Variants in SMYD3 observed in about 807,000 individuals in gnomAD.
The protein encoded by SMYD3 is histone-lysine N-methyltransferase SMYD3.
In SMYD3, 36 loss-of-function variants were observed where a neutral mutation model predicts 57.7. The observed-to-expected ratio is 0.62, with a 90% CI of 0.48 to 0.82. The LOEUF is 0.82. Among genes scored for constraint, SMYD3 ranks in the 40% least tolerant of loss-of-function variants. SMYD3 has a pLI of 0.00. For synonymous variants in SMYD3, 211 were observed against 195.0 expected, an observed-to-expected ratio of 1.08 and a Z score of -0.68; for missense variants, 515 against 538.8, an observed-to-expected ratio of 0.96 and a Z score of 0.44.
intron 5 of SMYD3, among the ~76,000 whole-genome samples, chr1:246,194,383 C>A (rs2062796227): frequency 6.6e-6 from 1 of 152,092 alleles, no homozygotes; most frequent in Non-Finnish European, 1.5e-5. Context: ...GTTCTCCTGC[C>A]TCAGCCTCCC....
At chr1:245,824,316 C>T (rs1271795521) in intron 10 of SMYD3, among the ~76,000 whole-genome samples, 3 of 152,234 alleles carry the variant, frequency 2.0e-5, no homozygotes, top group Non-Finnish European at 4.4e-5. Flanking sequence ...ACTGGGCACC[C>T]ACTAAAGGTT....
At chr1:246,023,291 T>C (rs1027242917) in intron 5 of SMYD3, among the ~76,000 whole-genome samples, 1 of 152,244 alleles carries the variant, frequency 6.6e-6, no homozygotes, top group Non-Finnish European at 1.5e-5. Context: ...TTGGAATGTC[T>C]GTCTGTGCAT....
At chr1:246,483,112 T>C (rs1434869441) in intron 1 of SMYD3, among the ~76,000 whole-genome samples, 2 of 152,224 alleles carry the variant, frequency 1.3e-5, no homozygotes, top group East Asian at 1.9e-4. Context: ...AATTTTCTAC[T>C]GTACCCAGAC....
intron 1 of SMYD3, among the ~76,000 whole-genome samples, chr1:246,385,055 T>C (rs1240840437): frequency 1.3e-5 from 2 of 152,204 alleles, no homozygotes; most frequent in Non-Finnish European, 1.5e-5. Context: ...GGATAAAGCT[T>C]AGGTATTTTC....
chr1:245,948,983 G>T lies in SMYD3; in HGVS notation c.532-19046C>A, dbSNP rs930405806. ...AGTTCCTCTGCAAGCCTGAGGATGG[G>T]CCTGCCCGACCTGCCGCTACCAGCA... On this transcript the variant is annotated intron_variant, in intron 5 of 11. Coordinates refer to ENST00000490107, the MANE Select transcript of SMYD3 (RefSeq NM_001167740.2). 2.6e-5 allele frequency among the ~76,000 whole-genome samples: 4 copies of T among 152,156 alleles called. 1 individual carries two copies. In the South Asian group the frequency reaches 6.2e-4, roughly 24 times the overall value.
At chr1:246,101,068 T>C (rs2061003448) in intron 5 of SMYD3, among the ~76,000 whole-genome samples, 1 of 49,774 alleles carries the variant, frequency 2.0e-5, no homozygotes, top group Non-Finnish European at 7.5e-5. Context: ...TTAGGGGTTT[T>C]TTGTTTTTTT....
intron 5 of SMYD3, among the ~76,000 whole-genome samples, chr1:246,216,286 C>CAAAAAAAA (rs761129685): frequency 8.0e-6 from 1 of 125,668 alleles, no homozygotes; most frequent in Admixed American, 8.2e-5. Context: ...GACTCCATTT[C>CAAAAAAAA]AAAAAAAAAA....
At chr1:246,131,455 C>G (rs558239292) in intron 5 of SMYD3, among the ~76,000 whole-genome samples, 15 of 152,228 alleles carry the variant, frequency 9.9e-5, no homozygotes, top group African/African-American at 3.4e-4. Flanking sequence ...CTTAGAAGAA[C>G]CTTAGGTTCT....
At chr1:245,967,060 C>G (rs1416598544) in intron 5 of SMYD3, among the ~76,000 whole-genome samples, 1 of 152,152 alleles carries the variant, frequency 6.6e-6, no homozygotes, top group Non-Finnish European at 1.5e-5. Context: ...GTTATAATGA[C>G]TTTTGATTCC....
intron 1 of SMYD3, among the ~76,000 whole-genome samples, chr1:246,404,921 GA>G (rs2066836681): frequency 6.6e-6 from 1 of 151,910 alleles, no homozygotes; most frequent in Admixed American, 6.6e-5. Context: ...TTATTATATT[GA>G]CTCATAATAA....
chr1:245,930,093 G>T, intron 5 of SMYD3, 156 bp from the exon 6 acceptor site: 1 of 636,490 alleles, frequency 1.6e-6, no homozygotes. Flanking sequence ...ACTTACAACA[G>T]AATTTATCTG....
At chr1:245,910,689 T>G (rs748709154) in intron 8 of SMYD3, among the ~76,000 whole-genome samples, 7 of 151,926 alleles carry the variant, frequency 4.6e-5, no homozygotes, top group Non-Finnish European at 8.8e-5. Context: ...AAAATCTAGA[T>G]AGCCCATATG....
rs180967780 is a variant in SMYD3, at chr1:246,046,651, A to T, written c.532-116714T>A. On this transcript the variant is annotated intron_variant, in intron 5 of 11. Coordinates refer to ENST00000490107, the MANE Select transcript of SMYD3 (RefSeq NM_001167740.2). ...AAATATATATATATAAAATATATAT[A>T]TTTTATATATTTTTTTAATATATAT... is the stretch of plus-strand genomic sequence containing the variant. 7.2e-3 allele frequency among the ~76,000 whole-genome samples: 1,061 copies of T among 147,466 alleles called. 12 individuals carry two copies. Among genetic ancestry groups the T allele is most frequent in the African/African-American group, 0.025 (995 of 40,516 alleles).
At chr1:246,046,648 T>C (rs928927290) in intron 5 of SMYD3, among the ~76,000 whole-genome samples, 1 of 147,366 alleles carries the variant, frequency 6.8e-6, no homozygotes, top group African/African-American at 2.5e-5. Context: ...ATAAAATATA[T>C]ATATTTTATA....
chr1:246,362,597 A>G (rs2066011179), intron 1 of SMYD3, among the ~76,000 whole-genome samples: 1 of 152,118 alleles, frequency 6.6e-6, no homozygotes. Flanking sequence ...AGTGCCTGCG[A>G]TTGCAGGCGC....
intron 5 of SMYD3, among the ~76,000 whole-genome samples, chr1:246,309,139 T>G (rs1322867041): frequency 6.6e-6 from 1 of 152,132 alleles, no homozygotes; most frequent in East Asian, 1.9e-4. Flanking sequence ...AAAAAAAGTT[T>G]AATACTAGCA....
intron 5 of SMYD3, among the ~76,000 whole-genome samples, chr1:246,005,799 A>G (rs2059158354): frequency 6.6e-6 from 1 of 152,226 alleles, no homozygotes; most frequent in Non-Finnish European, 1.5e-5. Context: ...TCAAACCTCC[A>G]GTCAGCAGTC....
intron 1 of SMYD3, among the ~76,000 whole-genome samples, chr1:246,396,492 A>C (rs1008007895): frequency 6.6e-6 from 1 of 152,204 alleles, no homozygotes; most frequent in Non-Finnish European, 1.5e-5. Context: ...ACACTGGACT[A>C]ATTCAGGATA....
chr1:245,955,242 C>T (rs2057799822), intron 5 of SMYD3, among the ~76,000 whole-genome samples: 1 of 116,828 alleles, frequency 8.6e-6, no homozygotes, highest in Admixed American at 9.5e-5. Context: ...CAGGTGCCCG[C>T]CGCCATACCT....
Sources: gnomAD v4.1 joint callset for allele counts (sites outside exome capture counted in the v4.1 genomes callset) on GRCh38, gnomAD v4.1.1 for gene constraint, MANE v1.5 for transcripts, NCBI Gene and HGNC (gene_info 2026-07-23, HGNC 2026-07-21) for gene names.